The following SLC44A1 variants were observed in gnomAD, a reference collection of about 807,000 sequenced individuals.
SLC44A1 encodes the protein solute carrier family 44 member 1, also known as choline transporter-like protein 1.
SLC44A1 carries 26 observed loss-of-function variants against 79.3 expected under a neutral mutation model. The ratio of observed to expected loss-of-function variants is 0.33; its 90% CI spans 0.24 to 0.46. SLC44A1 has a LOEUF of 0.46. Ranked by LOEUF, SLC44A1 falls within the 20% of genes least tolerant of loss-of-function variation. The pLI, the probability that SLC44A1 is intolerant of heterozygous loss-of-function variation, is 1.00. For missense variants in SLC44A1, 688 were observed against 798.1 expected, an observed-to-expected ratio of 0.86 and a Z score of 1.66; for synonymous variants, 263 against 286.2, an observed-to-expected ratio of 0.92 and a Z score of 0.82.
Position 105,393,631 on chromosome 9 carries a change from G to A in SLC44A1, c.*4575G>A, listed in dbSNP as rs1327745426. ...TTCTTTTCTATAGAAATACTGTAGT[G>A]CCCTTTCTTCCCATCTTGATTTTGT... On this transcript the variant is annotated 3_prime_UTR_variant, in exon 16 of 16. Coordinates refer to ENST00000374720, the MANE Select transcript of SLC44A1 (RefSeq NM_080546.5). 3 of 982,474 alleles carry A rather than the reference G, an allele frequency of 3.1e-6. No homozygotes were observed. The highest frequency in any genetic ancestry group is 3.5e-5 in the African/African-American group (2 of 57,176). 60.9% of individuals were successfully genotyped at this position (982,474 alleles called of 1,614,324 possible).
chr9:105,339,299 G>A (rs974774415), intron 4 of SLC44A1, among the ~76,000 whole-genome samples: 13 of 152,054 alleles, frequency 8.5e-5, no homozygotes, highest in African/African-American at 1.4e-4. Context: ...TTTGTGTACC[G>A]TTGATGGGAA....
intron 15 of SLC44A1, among the ~76,000 whole-genome samples, chr9:105,427,212 C>T (rs898935726): frequency 6.6e-6 from 1 of 152,158 alleles, no homozygotes; most frequent in Admixed American, 6.6e-5. Context: ...AGATTAAAGG[C>T]GTGAGCCACT....
In SLC44A1 at chr9:105,414,139, T is replaced by C. The variant is rs923151308; in HGVS notation, c.1951-24142T>C. On this transcript the variant is annotated intron_variant, in intron 15 of 15. Coordinates refer to the SLC44A1 transcript ENST00000374724. ...GTGCAGTGGCACGATCTTGGCTCAC[T>C]GCAACCTCTGCCTCCCGGGTTCGAG... 2.0e-5 allele frequency among the ~76,000 whole-genome samples: 3 copies of C among 151,474 alleles called. No individual in the cohort carries two copies. The East Asian group carries it at 5.9e-4, about 30-fold the overall frequency.
At chr9:105,268,140 C>T (rs1830001589) in intron 1 of SLC44A1, among the ~76,000 whole-genome samples, 1 of 152,100 alleles carries the variant, frequency 6.6e-6, no homozygotes, top group Non-Finnish European at 1.5e-5. Context: ...GGGCAGTTGT[C>T]CAACTGCACA....
At chr9:105,276,525 G>T (rs1830205373) in intron 1 of SLC44A1, among the ~76,000 whole-genome samples, 1 of 150,452 alleles carries the variant, frequency 6.6e-6, no homozygotes, top group African/African-American at 2.4e-5. Flanking sequence ...GATATGTACT[G>T]TTTTGGAGAA....
intron 1 of SLC44A1, among the ~76,000 whole-genome samples, chr9:105,270,214 A>C (rs186772771): frequency 7.2e-5 from 11 of 152,244 alleles, no homozygotes; most frequent in Middle Eastern, 3.4e-3. Context: ...GTTTATTGAC[A>C]TTGGAGGTGG....
chr9:105,258,290 T>C (rs1223877866), intron 1 of SLC44A1, among the ~76,000 whole-genome samples: 1 of 152,214 alleles, frequency 6.6e-6, no homozygotes, highest in African/African-American at 2.4e-5. Flanking sequence ...GTATTTTCCA[T>C]AGGGAATTGA....
At chr9:105,299,808 G>C in intron 2 of SLC44A1, 5 of 986,408 alleles carry the variant, frequency 5.1e-6, no homozygotes, top group Non-Finnish European at 6.0e-6. Context: ...AAGGGACCTG[G>C]TGGTTTTCCA....
At chr9:105,417,734 G>A (rs1281654302) in intron 15 of SLC44A1, among the ~76,000 whole-genome samples, 1 of 151,634 alleles carries the variant, frequency 6.6e-6, no homozygotes, top group African/African-American at 2.4e-5. Flanking sequence ...CAGGCATGGT[G>A]GCTTATACCT....
intron 4 of SLC44A1, among the ~76,000 whole-genome samples, chr9:105,343,454 G>T (rs1458610954): frequency 6.6e-6 from 1 of 152,146 alleles, no homozygotes; most frequent in Non-Finnish European, 1.5e-5. Context: ...AGATTAATCA[G>T]TATCAATAGA....
At chr9:105,408,836 G>C (rs1251060877) in intron 15 of SLC44A1, among the ~76,000 whole-genome samples, 4 of 152,170 alleles carry the variant, frequency 2.6e-5, no homozygotes, top group Admixed American at 6.5e-5. Flanking sequence ...AAAGGGAGAA[G>C]GTGGAGCTAC....
At chr9:105,319,447 G>T (rs780494700) in intron 3 of SLC44A1, among the ~76,000 whole-genome samples, 16 of 152,090 alleles carry the variant, frequency 1.1e-4, no homozygotes, top group Non-Finnish European at 2.2e-4. Context: ...ACAGAGTATG[G>T]CTAACCAAAG....
At chr9:105,378,579 T>A (rs1424550952) in intron 13 of SLC44A1, among the ~76,000 whole-genome samples, 1 of 152,060 alleles carries the variant, frequency 6.6e-6, no homozygotes, top group Non-Finnish European at 1.5e-5. Context: ...TTTTTAATAA[T>A]GTAATATTTA....
At position 105,335,589 on chromosome 9, in the gene SLC44A1, A is replaced by G. The variant is rs550713397; in HGVS notation, c.296A>G (p.Asn99Ser). 1.9e-5 allele frequency: 31 copies of G among 1,613,242 alleles called. No homozygotes were observed. Among genetic ancestry groups the G allele is most frequent in the East Asian group, 1.1e-4 (5 of 44,866 alleles). ...RKYVFFLDPCNLDLINRKIKS... is the reference protein window; with the variant it reads ...RKYVFFLDPCSLDLINRKIKS... Reference sequence around the variant, plus strand: ...TATGTATTCTTTTTGGATCCATGCAACCTGGACTTGATAAACCGGAAGATT... The same window carrying G: ...TATGTATTCTTTTTGGATCCATGCAGCCTGGACTTGATAAACCGGAAGATT... The change falls in exon 4 of 16, where the codon AAC becomes AGC. Residue 99 changes from asparagine to serine, a missense_variant. Asn to Ser is a conservative substitution (Grantham distance 46). Coordinates refer to ENST00000374720, the MANE Select transcript of SLC44A1 (RefSeq NM_080546.5).
chr9:105,307,335 A>T (rs1831059064), intron 2 of SLC44A1, among the ~76,000 whole-genome samples: 1 of 152,068 alleles, frequency 6.6e-6, no homozygotes, highest in African/African-American at 2.4e-5. Context: ...CATTAATCTG[A>T]GTCTTCTTGT....
At chr9:105,415,481 A>C (rs1829155407) in intron 15 of SLC44A1, among the ~76,000 whole-genome samples, 1 of 152,218 alleles carries the variant, frequency 6.6e-6, no homozygotes, top group Non-Finnish European at 1.5e-5. Context: ...GTTTCCACGG[A>C]GGGACGGAAC....
chr9:105,315,119 G>A (rs996008052), intron 3 of SLC44A1, among the ~76,000 whole-genome samples: 4 of 152,052 alleles, frequency 2.6e-5, no homozygotes, highest in South Asian at 2.1e-4. Flanking sequence ...GGAACTTGAC[G>A]AGTCCCCATT....
intron 15 of SLC44A1, among the ~76,000 whole-genome samples, chr9:105,422,754 A>C (rs1829271583): frequency 6.6e-6 from 1 of 152,162 alleles, no homozygotes; most frequent in African/African-American, 2.4e-5. Flanking sequence ...TCAGTGTCCT[A>C]CTTCTGGTTT....
At chr9:105,299,982 C>T in intron 2 of SLC44A1, 2 of 979,014 alleles carry the variant, frequency 2.0e-6, no homozygotes, top group Non-Finnish European at 1.2e-6. Context: ...CTCTGCCCTA[C>T]AGGAGTTTCT....
Sources: gnomAD v4.1 joint callset for allele counts (sites outside exome capture counted in the v4.1 genomes callset) on GRCh38, gnomAD v4.1.1 for gene constraint, MANE v1.5 for transcripts, NCBI Gene and HGNC (gene_info 2026-07-23, HGNC 2026-07-21) for gene names.